Variants in G2E3 observed in about 807,000 individuals in gnomAD.
The protein encoded by G2E3 is G2/M-phase specific E3 ubiquitin protein ligase, also known as G2/M phase-specific E3 ubiquitin-protein ligase.
In G2E3, 35 loss-of-function variants were observed where a neutral mutation model predicts 92.8. The ratio of observed to expected loss-of-function variants is 0.38; its 90% CI spans 0.29 to 0.50. G2E3 has a LOEUF of 0.50. Ranked by LOEUF, G2E3 falls within the 20% of genes least tolerant of loss-of-function variation. The pLI is 0.94. For missense variants in G2E3, 554 were observed against 823.8 expected (o/e 0.67, Z 4.01); for synonymous variants, 242 against 272.4 (o/e 0.89, Z 1.10).
chr14:30,568,475 C>G (rs1879568862), intron 1 of G2E3, among the ~76,000 whole-genome samples: 1 of 151,928 alleles, frequency 6.6e-6, no homozygotes, highest in South Asian at 2.1e-4. Flanking sequence ...TTCTGTTCCT[C>G]ATTTCCTTCC....
intron 6 of G2E3, among the ~76,000 whole-genome samples, chr14:30,596,869 G>A (rs1881316157): frequency 6.6e-6 from 1 of 152,162 alleles, no homozygotes; most frequent in Admixed American, 6.5e-5. Flanking sequence ...AGTTTTTACT[G>A]GGGACTGGCT....
intron 10 of G2E3, among the ~76,000 whole-genome samples, chr14:30,603,407 A>G (rs567408346): frequency 1.3e-5 from 2 of 152,114 alleles, no homozygotes. Flanking sequence ...TTACATCTTT[A>G]TAATGTTGGG....
chr14:30,577,042 T>C (rs1453088803), intron 1 of G2E3, among the ~76,000 whole-genome samples: 2 of 151,856 alleles, frequency 1.3e-5, no homozygotes, highest in Non-Finnish European at 2.9e-5. Context: ...CTGGCCAACA[T>C]GGTGAAACCC....
At chr14:30,596,026 T>G (rs1881264721) in intron 6 of G2E3, among the ~76,000 whole-genome samples, 1 of 149,622 alleles carries the variant, frequency 6.7e-6, no homozygotes, top group African/African-American at 2.5e-5. Context: ...CCATATTTAG[T>G]TAAAGATCTT....
chr14:30,574,567 C>T (rs1398479140), intron 1 of G2E3: 1 of 152,018 alleles, frequency 6.6e-6, no homozygotes, highest in Non-Finnish European at 1.5e-5. Context: ...TGCTCCTCTC[C>T]CTCCTCCCAC....
intron 10 of G2E3, among the ~76,000 whole-genome samples, chr14:30,602,563 G>C (rs1040743550): frequency 3.9e-5 from 6 of 151,962 alleles, no homozygotes; most frequent in African/African-American, 1.5e-4. Flanking sequence ...AGCATACCGT[G>C]TCACCTTATT....
chr14:30,566,116 G>A (rs574399701), intron 1 of G2E3, among the ~76,000 whole-genome samples: 3 of 152,148 alleles, frequency 2.0e-5, no homozygotes, highest in African/African-American at 4.8e-5. Flanking sequence ...TTCTATTGAT[G>A]TGTATGTCTG....
chr14:30,563,845 G>A (rs1325231215), intron 1 of G2E3, among the ~76,000 whole-genome samples: 1 of 151,716 alleles, frequency 6.6e-6, no homozygotes, highest in Non-Finnish European at 1.5e-5. Flanking sequence ...TCAACCTCCT[G>A]AGTAGCTGGA....
intron 1 of G2E3, chr14:30,574,721 C>T (rs1032339101): frequency 1.3e-5 from 2 of 152,138 alleles, no homozygotes; most frequent in African/African-American, 2.4e-5. Flanking sequence ...TAATAGCCTC[C>T]GGCTCCATCC....
In G2E3 at chr14:30,617,809, A is replaced by G. The variant is rs773740170; in HGVS notation, c.*1275A>G. The G allele has an allele frequency of 1.3e-5, 2 of 152,116 alleles. No individual in the cohort carries two copies. The highest frequency in any genetic ancestry group is 2.9e-5 in the Non-Finnish European group (2 of 67,956). The allele number at this position is 152,116 out of a possible 1,614,324, so 9.4% of individuals were successfully genotyped here. A position where few individuals can be genotyped will look rare whatever the true frequency, so the allele number is the denominator to read the frequency against. On this transcript the variant is annotated 3_prime_UTR_variant, in exon 15 of 15. Transcript: ENST00000206595. ...CAAAGTGCTAACAATGTGAAAATAT[A>G]TAGTCCCATAGTCATGTCCCCATAT...
At position 30,616,587 on chromosome 14, in the gene G2E3, T is replaced by A; in HGVS notation, c.*53T>A. 1 of 1,323,868 alleles carries A rather than the reference T, an allele frequency of 7.6e-7. No homozygotes were observed. Among genetic ancestry groups the A allele is most frequent in the Non-Finnish European group, 1.1e-6 (1 of 945,766 alleles). 82.0% of individuals were successfully genotyped at this position (1,323,868 alleles called of 1,614,324 possible). A position where few individuals can be genotyped will look rare whatever the true frequency, so the allele number is the denominator to read the frequency against. On this transcript the variant is annotated 3_prime_UTR_variant, in exon 15 of 15. Coordinates refer to ENST00000206595, the MANE Select transcript of G2E3 (RefSeq NM_017769.5). ...CTTTAAAAGCTGCTATTGATAACTC[T>A]CTTTTATTTCACTAACCTTTTCATC...
At position 30,594,990 on chromosome 14, in the gene G2E3, T is replaced by C. The variant is rs61976696; in HGVS notation, c.528+1351T>C. 5.6e-3 allele frequency among the ~76,000 whole-genome samples: 847 copies of C among 151,410 alleles called. 11 individuals carry two copies. Among genetic ancestry groups the C allele is most frequent in the African/African-American group, 0.019 (776 of 41,298 alleles). On this transcript the variant is annotated intron_variant, in intron 6 of 14. Transcript: ENST00000206595. ...CTAAAAATACAAAAAAAAAAAAAAT[T>C]AGCTGGGCGTGGTGGTGCACACCTG...
intron 2 of G2E3, among the ~76,000 whole-genome samples, chr14:30,581,805 A>G (rs1039333678): frequency 6.6e-6 from 1 of 152,178 alleles, no homozygotes; most frequent in Admixed American, 6.6e-5. Context: ...TTTGCTTTTA[A>G]TTGTTGTTTT....
chr14:30,601,937 A>G (rs757891553), intron 9 of G2E3, 43 bp downstream of exon 9: 18 of 1,602,948 alleles, frequency 1.1e-5, no homozygotes, highest in African/African-American at 4.0e-5. Context: ...ATTCAAATGT[A>G]TATGATTTAA....
At chr14:30,599,448 CAA>C (rs1244656882) in intron 8 of G2E3, among the ~76,000 whole-genome samples, 10 of 152,100 alleles carry the variant, frequency 6.6e-5, no homozygotes, top group Non-Finnish European at 1.5e-4. Context: ...AGCCTGGTCT[CAA>C]ATGCCTGACC....
At chr14:30,561,509 A>G (rs1436853211) in intron 1 of G2E3, among the ~76,000 whole-genome samples, 1 of 152,190 alleles carries the variant, frequency 6.6e-6, no homozygotes, top group African/African-American at 2.4e-5. Flanking sequence ...CATCTTCATA[A>G]TATTACACCA....
Position 30,616,320 on chromosome 14 carries a change from C to T in G2E3, c.1907C>T (p.Ala636Val). The T allele has an allele frequency of 1.2e-6, 2 of 1,607,506 alleles. No individual in the cohort carries two copies. The highest frequency in any genetic ancestry group is 1.7e-6 in the Non-Finnish European group (2 of 1,174,560). ...ACAATGGAAGACATTCTTATTTTTG[C>T]AACTGGTTGCAGTTCCATTCCTCCA... ...TTTMEDILIF[A>V]TGCSSIPPAG... Residue 636 changes from alanine (A) to valine (V), a missense_variant, in exon 15 of 15, where the codon GCA becomes GTA. Coordinates refer to ENST00000206595, the MANE Select transcript of G2E3 (RefSeq NM_017769.5).
chr14:30,580,458 A>T (rs1184192840), intron 1 of G2E3, among the ~76,000 whole-genome samples: 1 of 152,110 alleles, frequency 6.6e-6, no homozygotes, highest in African/African-American at 2.4e-5. Context: ...CACCTGCCTC[A>T]GCCTCCCAAA....
At position 30,612,360 on chromosome 14, in the gene G2E3, G is replaced by C. The variant is rs1330899880; in HGVS notation, c.1654G>C (p.Val552Leu). Residue 552 changes from valine to leucine, a missense_variant, in exon 13 of 15, where the codon GTC becomes CTC. This residue lies in a region of G2E3 where 397 missense variants were observed against 560.3 expected (regional missense o/e 0.71). Coordinates refer to ENST00000206595, the MANE Select transcript of G2E3 (RefSeq NM_017769.5). Reference sequence around the variant, plus strand: ...ACTTGGCTACCATGTAATTCAGAGAGTCCACACACCCTTTGAAAGGTAAGT... The same window carrying C: ...ACTTGGCTACCATGTAATTCAGAGACTCCACACACCCTTTGAAAGGTAAGT... ...DILGYHVIQR[V>L]HTPFESFKQG... 1 of 1,593,794 alleles carries C rather than the reference G, an allele frequency of 6.3e-7. No homozygotes were observed. Among genetic ancestry groups the C allele is most frequent in the Non-Finnish European group, 8.6e-7 (1 of 1,168,390 alleles).
Sources: allele counts gnomAD v4.1 joint callset (sites outside exome capture counted in the v4.1 genomes callset), GRCh38; gene constraint gnomAD v4.1.1; regional missense constraint gnomAD v4.1.1; transcripts MANE v1.5; gene names NCBI Gene and HGNC (gene_info 2026-07-23, HGNC 2026-07-21).